The following COL6A3 variants were observed in gnomAD, a reference collection of about 807,000 sequenced individuals.
COL6A3 encodes collagen type VI alpha 3 chain, also known as collagen alpha-3(VI) chain.
COL6A3 carries 137 observed loss-of-function variants against 274.1 expected under a neutral mutation model. The ratio of observed to expected loss-of-function variants is 0.50; its 90% confidence interval spans 0.44 to 0.58. COL6A3 has a LOEUF of 0.58. Among genes scored for constraint, COL6A3 ranks in the 20% least tolerant of loss-of-function variants. The pLI, the probability that COL6A3 is intolerant of heterozygous loss-of-function variation, is 0.00. For missense variants in COL6A3, 3,950 were observed against 4,124.9 expected, an observed-to-expected ratio of 0.96 and a Z score of 1.16; for synonymous variants, 1,650 against 1,650.6, an observed-to-expected ratio of 1.00 and a Z score of 0.01.
intron 1 of COL6A3, among the ~76,000 whole-genome samples, chr2:237,400,742 G>T (rs534137450): frequency 6.6e-6 from 1 of 151,964 alleles, no homozygotes; most frequent in African/African-American, 2.4e-5. Flanking sequence ...TAAAGACAAA[G>T]GAACACCCCC....
At chr2:237,326,626 C>T (rs1699958823) in intron 42 of COL6A3, 2 of 152,138 alleles carry the variant, frequency 1.3e-5, no homozygotes, top group Non-Finnish European at 1.5e-5. Flanking sequence ...AAACGTAAAC[C>T]TTCTTTCTCC....
chr2:237,356,777 T>C (rs1201475228), intron 23 of COL6A3: 1 of 164,928 alleles, frequency 6.1e-6, no homozygotes, highest in East Asian at 1.7e-4. Flanking sequence ...AGAAAGATCA[T>C]TCACATCACT....
chr2:237,387,508 C>A (rs977352163), intron 4 of COL6A3, 74 bp downstream of exon 4: 15 of 1,609,052 alleles, frequency 9.3e-6, no homozygotes, highest in Non-Finnish European at 1.3e-5. Context: ...CATGCTGGTA[C>A]CCACCTTACG....
intron 4 of COL6A3, 125 bp from the exon 5 acceptor site, chr2:237,381,624 G>A: frequency 7.5e-6 from 6 of 804,136 alleles, no homozygotes; most frequent in Non-Finnish European, 1.2e-5. Context: ...TGACCACAGG[G>A]CCACCCCAAA....
In COL6A3 at chr2:237,379,861, A is replaced by G. The variant is rs192544678; in HGVS notation, c.1898-626T>C. On this transcript the variant is annotated intron_variant, in intron 5 of 43. Transcript: ENST00000295550. ...TCATCCAACAGGGGAATTCCCCCAA[A>G]GTGAGATGATGGGACCGTAAATACA... 5.3e-5 allele frequency among the ~76,000 whole-genome samples: 8 copies of G among 152,368 alleles called. No individual in the cohort carries two copies. In the East Asian group the frequency reaches 1.5e-3, roughly 29 times the overall value.
In COL6A3 at chr2:237,371,810, T is replaced by G. The variant is rs1289565560; in HGVS notation, c.4207A>C (p.Lys1403Gln). ...AGGGTCGTGATGGGCGTCAGCAGTT[T>G]CTGCTCCAGGCTGGGCAGCTCCCGG... The part of the protein sequence containing the change: ...TFRELPSLEQ[K>Q]LLTPITTLTS... Residue 1403 changes from lysine to glutamine, a missense_variant, in exon 9 of 44, where the codon AAA becomes CAA. Transcript: ENST00000295550. This position sits in a 1 kb window ranked among gnomAD's most constrained non-coding sequence, Gnocchi z 4.3. The G allele has an allele frequency of 6.2e-7, 1 of 1,613,746 alleles. No homozygotes were observed. Among genetic ancestry groups the G allele is most frequent in the African/African-American group, 1.3e-5 (1 of 74,888 alleles).
chr2:237,340,889 T>C lies in COL6A3; in HGVS notation c.8027A>G (p.Asp2676Gly), dbSNP rs2076972857. 1 of 1,613,594 alleles carries C rather than the reference T, an allele frequency of 6.2e-7. No homozygotes were observed. Among genetic ancestry groups the C allele is most frequent in the East Asian group, 2.2e-5 (1 of 44,858 alleles). Residue 2676 changes from aspartate to glycine, a missense_variant, in exon 38 of 44, where the codon GAC becomes GGC. Physicochemically the swap from Asp to Gly is moderately conservative, Grantham distance 94. Coordinates refer to ENST00000295550, the MANE Select transcript of COL6A3 (RefSeq NM_004369.4). ...VVQHAPSESV[D>G]NASMPPVKVE... Reference sequence around the variant, plus strand: ...CTTCACAGGTGGCATGCTGGCATTGTCCACGGACTCAGAGGGCGCGTGCTG... The same window carrying C: ...CTTCACAGGTGGCATGCTGGCATTGCCCACGGACTCAGAGGGCGCGTGCTG...
rs559206141 is a variant in COL6A3, at chr2:237,371,957, C to T, written c.4060G>A (p.Asp1354Asn). 6 of 1,614,110 alleles carry T rather than the reference C, an allele frequency of 3.7e-6. No homozygotes were observed. Among genetic ancestry groups the T allele is most frequent in the Admixed American group, 1.7e-5 (1 of 60,032 alleles). The change falls in exon 9 of 44, where the codon GAC (aspartate) becomes AAC (asparagine). Residue 1354 changes from aspartate (D) to asparagine (N), a missense_variant. By Grantham distance (23) the Asp-to-Asn change is conservative. This residue lies in a region of COL6A3 where 1,934 missense variants were observed against 1,984.3 expected (regional missense o/e 0.97). Transcript: ENST00000295550. The surrounding 1 kb of genome is among the most constrained non-coding windows in gnomAD (Gnocchi z 4.3). ...AACTGCTTGAGCTCCACCGCCGGGT[C>T]GTCCACCTCATCGTCAGACTTTCCA... is the stretch of plus-strand genomic sequence containing the variant. ...SSGKSDDEVD[D>N]PAVELKQFGV... is the part of the protein sequence containing the mutation.
chr2:237,336,109 G>C, intron 40 of COL6A3, 26 bp downstream of exon 40: 1 of 1,612,786 alleles, frequency 6.2e-7, no homozygotes, highest in South Asian at 1.1e-5. Flanking sequence ...GTCACAAGAT[G>C]GCAGCCCTAG....
At chr2:237,353,521 C>G in intron 24 of COL6A3, 118 bp from the exon 25 acceptor site, 1 of 836,202 alleles carries the variant, frequency 1.2e-6, no homozygotes, top group East Asian at 2.5e-5. Flanking sequence ...AAACTCAGCT[C>G]TTCCAGAGGT....
chr2:237,354,801 A>G, intron 24 of COL6A3, 98 bp downstream of exon 24: 1 of 1,014,914 alleles, frequency 9.9e-7, no homozygotes, highest in Non-Finnish European at 1.4e-6. Flanking sequence ...CTGTCTCCGA[A>G]GCTTTGGGTT....
rs1700371494 is a variant in COL6A3, at chr2:237,333,469, T to C, written c.9309A>G (p.Pro3103=). 1.2e-6 allele frequency: 2 copies of C among 1,614,104 alleles called. No homozygotes were observed. The highest frequency in any genetic ancestry group is 1.1e-5 in the South Asian group (1 of 91,084). The change falls in exon 42 of 44, where the codon CCA becomes CCG. Residue 3103 remains proline (P), a synonymous_variant. Transcript: ENST00000295550. ...ACTCACCTGTTTCAGTGAGAGCCAA[T>C]GGTTCTGTGCTCACCATTAGATTGA... ...STINLMVSTE[P]LALTETDICK... is the part of the protein sequence containing the mutation.
chr2:237,336,337 C>A lies in COL6A3; in HGVS notation c.8763G>T (p.Lys2921Asn). 1 of 1,613,478 alleles carries A rather than the reference C, an allele frequency of 6.2e-7. No homozygotes were observed. The highest frequency in any genetic ancestry group is 2.2e-5 in the East Asian group (1 of 44,864). Reference protein sequence around the residue: ...KPAPAKPVAAKPVATKMATVR... With the variant: ...KPAPAKPVAANPVATKMATVR... Reference sequence around the variant, plus strand: ...CAGTGGCCATCTTTGTGGCCACAGGCTTGGCAGCCACAGGTTTCGCAGGGG... The same window carrying A: ...CAGTGGCCATCTTTGTGGCCACAGGATTGGCAGCCACAGGTTTCGCAGGGG... Residue 2921 changes from lysine to asparagine, a missense_variant, in exon 40 of 44, where the codon AAG becomes AAT. Physicochemically the swap from Lys to Asn is moderately conservative, Grantham distance 94. Transcript: ENST00000295550.
intron 26 of COL6A3, among the ~76,000 whole-genome samples, chr2:237,352,095 G>A (rs1380773805): frequency 2.0e-5 from 3 of 152,188 alleles, no homozygotes; most frequent in African/African-American, 7.2e-5. Flanking sequence ...CAAGTTTAAG[G>A]GCCATCTTCT....
intron 34 of COL6A3, 50 bp from the exon 35 acceptor site, chr2:237,345,002 G>A (rs374269641): frequency 1.1e-5 from 17 of 1,614,044 alleles, no homozygotes; most frequent in Non-Finnish European, 1.4e-5. Flanking sequence ...TCTACCATGT[G>A]AGAATTTCGA....
chr2:237,365,936 T>C lies in COL6A3; in HGVS notation c.5600A>G (p.Asn1867Ser). 6.2e-7 allele frequency: 1 copy of C among 1,614,108 alleles called. No homozygotes were observed. Among genetic ancestry groups the C allele is most frequent in the Non-Finnish European group, 8.5e-7 (1 of 1,180,014 alleles). ...GFESKVDAIL[N>S]RISQMHRVSC... is the part of the protein sequence containing the mutation. Reference sequence around the variant, plus strand: ...GACCCTGTGCATCTGGCTGATTCTGTTCAAGATGGCGTCCACCTTGGACTC... The same window carrying C: ...GACCCTGTGCATCTGGCTGATTCTGCTCAAGATGGCGTCCACCTTGGACTC... The change falls in exon 12 of 44, where the codon AAC becomes AGC. Residue 1867 changes from asparagine to serine, a missense_variant. By Grantham distance (46) the Asn-to-Ser change is conservative. Coordinates refer to ENST00000295550, the MANE Select transcript of COL6A3 (RefSeq NM_004369.4).
At chr2:237,331,922 T>C (rs1027466255) in intron 42 of COL6A3, among the ~76,000 whole-genome samples, 1 of 149,980 alleles carries the variant, frequency 6.7e-6, no homozygotes, top group African/African-American at 2.4e-5. Flanking sequence ...ACTTGCAGCC[T>C]TGAAAGAAAC....
Position 237,370,399 on chromosome 2 carries a change from C to T in COL6A3, c.4286-1222G>A, listed in dbSNP as rs188612967. The stretch of plus-strand genomic sequence containing the variant: ...GACTACAGGTGTGTGCCACCACACC[C>T]AGCTAATTTTTGTATTTTGAGTAGA... On this transcript the variant is annotated intron_variant, in intron 9 of 43. Coordinates refer to ENST00000295550, the MANE Select transcript of COL6A3 (RefSeq NM_004369.4). 6.7e-3 allele frequency among the ~76,000 whole-genome samples: 1,015 copies of T among 152,016 alleles called. 6 individuals are homozygous for T. The highest frequency in any genetic ancestry group is 0.023 in the African/African-American group (953 of 41,464).
intron 36 of COL6A3, chr2:237,343,679 G>C (rs145773470): frequency 6.3e-6 from 1 of 158,784 alleles, no homozygotes; most frequent in African/African-American, 2.4e-5. Flanking sequence ...ACAGTGGTGT[G>C]GTGTAGATTG....
Sources: allele counts gnomAD v4.1 joint callset (sites outside exome capture counted in the v4.1 genomes callset), GRCh38; gene constraint gnomAD v4.1.1; regional missense constraint gnomAD v4.1.1; non-coding constraint Gnocchi (gnomAD v3.1); transcripts MANE v1.5; gene names NCBI Gene and HGNC (gene_info 2026-07-23, HGNC 2026-07-21).